Variants in PRKCQ observed in about 807,000 individuals in gnomAD.
The protein encoded by PRKCQ is protein kinase C theta.
PRKCQ carries 41 observed loss-of-function variants against 91.2 expected under a neutral mutation model. The ratio of observed to expected loss-of-function variants is 0.45; its 90% CI spans 0.35 to 0.58. The LOEUF (loss-of-function observed/expected upper bound fraction) is 0.58, where lower values mean the gene tolerates loss of function less well. PRKCQ is among the 20% of genes least tolerant of loss of function. The probability of loss-of-function intolerance (pLI) is 0.00; values close to 1 mark genes in which losing one functional copy is unlikely to be tolerated. For missense variants in PRKCQ, 673 were observed against 896.5 expected (o/e 0.75, Z 3.18); for synonymous variants, 307 against 316.9 (o/e 0.97, Z 0.33).
chr10:6,422,039 A>G, the PRKCQ span, among the ~76,000 whole-genome samples: 2 of 152,272 alleles, frequency 1.3e-5, no homozygotes, highest in African/African-American at 4.8e-5. Context: ...TAAGAAAAAT[A>G]AAGCAGAAGT....
intron 7 of PRKCQ, among the ~76,000 whole-genome samples, chr10:6,492,167 T>C (rs1837339883): frequency 6.6e-6 from 1 of 151,892 alleles, no homozygotes; most frequent in African/African-American, 2.4e-5. Context: ...GAAGATTCCC[T>C]TCCTGTTTTA....
At position 6,486,084 on chromosome 10, in the gene PRKCQ, T is replaced by C; in HGVS notation, c.851A>G (p.Asn284Ser). ...CAGCGCTTCAGCCATTAGCTTCTGG[T>C]TTATGCCACAAAGGTTGGCCACCTT... ...QTKVANLCGI[N>S]QKLMAEALAM... is the part of the protein sequence containing the mutation. Residue 284 changes from asparagine (N) to serine (S), a missense_variant, in exon 9 of 18, where the codon AAC (asparagine) becomes AGC (serine). By Grantham distance (46) the Asn-to-Ser change is conservative. Transcript: ENST00000263125. 1 of 1,614,194 alleles carries C rather than the reference T, an allele frequency of 6.2e-7. No homozygotes were observed. The highest frequency in any genetic ancestry group is 2.2e-5 in the East Asian group (1 of 44,886).
chr10:6,463,868 C>A (rs887655319), intron 13 of PRKCQ, among the ~76,000 whole-genome samples: 1 of 152,144 alleles, frequency 6.6e-6, no homozygotes, highest in Admixed American at 6.5e-5. Context: ...GCTGCCGGCA[C>A]TAGGAAGGAG....
rs55867019 is a variant in PRKCQ, at chr10:6,456,758, C to A, written c.1563G>T (p.Ala521=). The A allele has an allele frequency of 8.1e-6, 13 of 1,614,092 alleles. No individual in the cohort carries two copies. Among genetic ancestry groups the A allele is most frequent in the Non-Finnish European group, 1.1e-5 (13 of 1,179,992 alleles). Residue 521 remains alanine, a synonymous_variant, in exon 15 of 18, where the codon GCG becomes GCT. Transcript: ENST00000263125. The part of the protein sequence containing the change: ...LLDKDGHIKI[A]DFGMCKENML... Reference sequence around the variant, plus strand: ...TGTTCTCCTTGCACATTCCAAAATCCGCGATCTTGATATGTCCATCTTTGT... The same window carrying A: ...TGTTCTCCTTGCACATTCCAAAATCAGCGATCTTGATATGTCCATCTTTGT...
chr10:6,520,780 C>T lies in PRKCQ; in HGVS notation c.-9-5636G>A, dbSNP rs370741012. ...CGTCACACCTGCCATTTCTACAGTC[C>T]GAGTGGGGTTGATCCTGTGGCTCCC... On this transcript the variant is annotated intron_variant, in intron 1 of 17. Coordinates refer to ENST00000263125, the MANE Select transcript of PRKCQ (RefSeq NM_006257.5). Among the ~76,000 whole-genome samples, 237 of 152,216 alleles carry T rather than the reference C, an allele frequency of 1.6e-3. 1 individual carries two copies. Among genetic ancestry groups the T allele is most frequent in the African/African-American group, 5.3e-3 (222 of 41,518 alleles).
intron 7 of PRKCQ, 118 bp downstream of exon 7, chr10:6,496,917 T>C (rs367811741): frequency 5.6e-6 from 5 of 899,570 alleles, no homozygotes; most frequent in African/African-American, 1.7e-5. Flanking sequence ...GGGAGATGGA[T>C]GTTCACTGAT....
chr10:6,579,837 ATTT>A (rs3086770), intron 1 of PRKCQ, among the ~76,000 whole-genome samples: 23 of 136,952 alleles, frequency 1.7e-4, no homozygotes, highest in Non-Finnish European at 2.5e-4. Context: ...TTCCTCACGC[ATTT>A]TTTTTTTTTT....
chr10:6,441,879 G>C lies in PRKCQ; in HGVS notation c.1836+14C>G. The C allele has an allele frequency of 6.3e-7, 1 of 1,586,372 alleles. No individual in the cohort carries two copies. Among genetic ancestry groups the C allele is most frequent in the African/African-American group, 1.3e-5 (1 of 74,300 alleles). The stretch of plus-strand genomic sequence containing the variant: ...TGCTCGTCTTATGAAGACGCTCTTG[G>C]CTTCGCTTCTTACCTTCACCAGAAG... On this transcript the variant is annotated intron_variant, in intron 16 of 17. Transcript: ENST00000263125.
the PRKCQ span, among the ~76,000 whole-genome samples, chr10:6,405,793 G>A: frequency 2.6e-5 from 4 of 152,214 alleles, no homozygotes; most frequent in Non-Finnish European, 5.9e-5. Flanking sequence ...GGACAAGTGC[G>A]GGAGTGCTGG....
intron 1 of PRKCQ, among the ~76,000 whole-genome samples, chr10:6,578,278 TAGG>T (rs1211332698): frequency 6.6e-6 from 1 of 152,210 alleles, no homozygotes; most frequent in African/African-American, 2.4e-5. Flanking sequence ...GACATGTCTG[TAGG>T]AGAACAGAGG....
In PRKCQ at chr10:6,485,184, C is replaced by T. The variant is rs562496905; in HGVS notation, c.986G>A (p.Arg329Lys). 4 of 1,614,000 alleles carry T rather than the reference C, an allele frequency of 2.5e-6. No individual in the cohort carries two copies. The highest frequency in any genetic ancestry group is 1.3e-5 in the African/African-American group (1 of 75,002). The change falls in exon 10 of 18, where the codon AGG (arginine) becomes AAG (lysine). Residue 329 changes from arginine (R) to lysine (K), a missense_variant. Physicochemically the swap from Arg to Lys is conservative, Grantham distance 26. Coordinates refer to ENST00000263125, the MANE Select transcript of PRKCQ (RefSeq NM_006257.5). ...GLPCSIKNEA[R>K]PPCLPTPGKR... ...TCCCGGTGTCGGTAAACATGGCGGC[C>T]TTGCTTCATTTTTGATGGAGCATGG...
At chr10:6,550,779 A>T (rs888228566) in intron 1 of PRKCQ, among the ~76,000 whole-genome samples, 1 of 152,178 alleles carries the variant, frequency 6.6e-6, no homozygotes, top group Non-Finnish European at 1.5e-5. Flanking sequence ...TTTTTGAGGA[A>T]CCACCGTACT....
intron 12 of PRKCQ, 26 bp from the exon 13 acceptor site, chr10:6,464,430 C>T: frequency 2.0e-6 from 3 of 1,521,030 alleles, no homozygotes; most frequent in Non-Finnish European, 2.7e-6. Context: ...ACAATTCCAA[C>T]TTTTATTTCA....
At chr10:6,440,462 A>G (rs970489321) in intron 16 of PRKCQ, among the ~76,000 whole-genome samples, 1 of 152,170 alleles carries the variant, frequency 6.6e-6, no homozygotes. Flanking sequence ...CCTCCAGTTC[A>G]GGGGTAGGAG....
At chr10:6,467,782 G>GTTGCATTATAATC (rs1835767154) in intron 12 of PRKCQ, among the ~76,000 whole-genome samples, 1 of 152,194 alleles carries the variant, frequency 6.6e-6, no homozygotes, top group Admixed American at 6.5e-5. Context: ...GAAAATGAGA[G>GTTGCATTATAATC]AGTCACCATT....
chr10:6,523,896 G>A (rs959969934), intron 1 of PRKCQ, among the ~76,000 whole-genome samples: 6 of 152,134 alleles, frequency 3.9e-5, no homozygotes, highest in Admixed American at 6.6e-5. Flanking sequence ...CACACAGCAC[G>A]ACTCTCAGTG....
At chr10:6,531,353 C>T (rs928685340) in intron 1 of PRKCQ, among the ~76,000 whole-genome samples, 2 of 151,498 alleles carry the variant, frequency 1.3e-5, no homozygotes, top group African/African-American at 4.9e-5. Flanking sequence ...CTCTGAGCAA[C>T]ATTTGGCAAT....
intron 1 of PRKCQ, among the ~76,000 whole-genome samples, chr10:6,534,293 A>T (rs1173125811): frequency 6.6e-6 from 1 of 152,172 alleles, no homozygotes; most frequent in Admixed American, 6.5e-5. Context: ...AATAGAAAAT[A>T]ATTATTCTGT....
At chr10:6,547,221 T>G (rs1185710082) in intron 1 of PRKCQ, among the ~76,000 whole-genome samples, 1 of 152,056 alleles carries the variant, frequency 6.6e-6, no homozygotes, top group Admixed American at 6.6e-5. Context: ...CACTGCTCAA[T>G]GAAATAAAAG....
Sources: allele counts gnomAD v4.1 joint callset (sites outside exome capture counted in the v4.1 genomes callset), GRCh38; gene constraint gnomAD v4.1.1; transcripts MANE v1.5; gene names NCBI Gene and HGNC (gene_info 2026-07-23, HGNC 2026-07-21).